Variants in ITPR1 observed in about 807,000 individuals in gnomAD.
ITPR1 encodes inositol 1,4,5-trisphosphate receptor type 1.
A neutral mutation model predicts 318.4 loss-of-function variants in ITPR1; 96 were observed. That is an observed-to-expected ratio of 0.30 (90% CI 0.26 to 0.36). ITPR1 has a LOEUF of 0.36. ITPR1 is among the 10% of genes least tolerant of loss of function. The pLI is 1.00. For synonymous variants in ITPR1, 1,312 were observed against 1,289.9 expected (o/e 1.02, Z -0.37); for missense variants, 2,440 against 3,460.2 (o/e 0.71, Z 7.40).
chr3:4,565,566 T>G (rs991813381), intron 4 of ITPR1, among the ~76,000 whole-genome samples: 4 of 152,174 alleles, frequency 2.6e-5, no homozygotes, highest in Admixed American at 2.6e-4. Context: ...AAATAAACAG[T>G]CTTTCTCCTT....
At chr3:4,838,478 T>G (rs1388101248) in intron 61 of ITPR1, among the ~76,000 whole-genome samples, 2 of 152,108 alleles carry the variant, frequency 1.3e-5, no homozygotes, top group Non-Finnish European at 2.9e-5. Context: ...TTTAGTTATC[T>G]TCTTCTCCCA....
At chr3:4,618,877 G>C (rs547527403) in intron 4 of ITPR1, among the ~76,000 whole-genome samples, 1 of 152,158 alleles carries the variant, frequency 6.6e-6, no homozygotes, top group Non-Finnish European at 1.5e-5. Context: ...AACAAGGGTT[G>C]GCATTTGAGC....
chr3:4,736,071 T>G (rs1272338682), intron 44 of ITPR1, among the ~76,000 whole-genome samples: 3 of 152,246 alleles, frequency 2.0e-5, no homozygotes, highest in Non-Finnish European at 4.4e-5. Context: ...ATAACTTTTA[T>G]ATATGATCCC....
At chr3:4,583,629 T>C (rs1466719799) in intron 4 of ITPR1, among the ~76,000 whole-genome samples, 1 of 152,234 alleles carries the variant, frequency 6.6e-6, no homozygotes, top group South Asian at 2.1e-4. Flanking sequence ...TGTTCCTCCT[T>C]GGCTTTTAGC....
At chr3:4,656,982 GGA>G (rs2093724943) in intron 12 of ITPR1, among the ~76,000 whole-genome samples, 1 of 152,200 alleles carries the variant, frequency 6.6e-6, no homozygotes. Flanking sequence ...GATGGGCTTT[GGA>G]GCCTAGAATA....
At chr3:4,522,197 T>G (rs976730180) in intron 4 of ITPR1, among the ~76,000 whole-genome samples, 1 of 152,146 alleles carries the variant, frequency 6.6e-6, no homozygotes, top group Admixed American at 6.6e-5. Context: ...ATTAAATTAT[T>G]TATCAATTAA....
At chr3:4,831,979 G>A (rs2050550059) in intron 60 of ITPR1, among the ~76,000 whole-genome samples, 1 of 152,232 alleles carries the variant, frequency 6.6e-6, no homozygotes. Flanking sequence ...CTACTGCACA[G>A]GATGCAAAGC....
At chr3:4,820,829 G>A (rs962030170) in intron 60 of ITPR1, among the ~76,000 whole-genome samples, 9 of 152,166 alleles carry the variant, frequency 5.9e-5, no homozygotes, top group African/African-American at 1.2e-4. Context: ...TCCCTGCTGC[G>A]GACTCCTAAG....
At chr3:4,789,659 G>A (rs1275388078) in intron 52 of ITPR1, among the ~76,000 whole-genome samples, 8 of 152,096 alleles carry the variant, frequency 5.3e-5, no homozygotes, top group East Asian at 1.9e-4. Flanking sequence ...TTGGTCTGTC[G>A]CCCAGGCTGG....
Position 4,806,379 on chromosome 3 carries a change from A to G in ITPR1, c.7272+112A>G. The G allele has an allele frequency of 1.9e-6, 2 of 1,063,834 alleles. 1 individual carries two copies. The highest frequency in any genetic ancestry group is 2.8e-6 in the Non-Finnish European group (2 of 712,074). The allele number at this position is 1,063,834 out of a possible 1,614,324, so 65.9% of individuals were successfully genotyped here. On this transcript the variant is annotated intron_variant, in intron 55 of 61. Transcript: ENST00000649015. ...TAATGGTGATTGGTGTGCCTGGTCC[A>G]CCAAGATTGAAGCTCCACAGTTGGC...
intron 4 of ITPR1, among the ~76,000 whole-genome samples, chr3:4,624,500 C>G (rs1480700792): frequency 6.6e-6 from 1 of 151,978 alleles, no homozygotes; most frequent in Non-Finnish European, 1.5e-5. Flanking sequence ...GAAACCCCAT[C>G]TCTACTAAAA....
At chr3:4,708,342 A>G (rs1182398201) in intron 37 of ITPR1, among the ~76,000 whole-genome samples, 1 of 152,218 alleles carries the variant, frequency 6.6e-6, no homozygotes, top group Non-Finnish European at 1.5e-5. Context: ...GTGCATCTTA[A>G]CTTGACCTAT....
At chr3:4,727,986 T>C (rs994057899) in intron 42 of ITPR1, among the ~76,000 whole-genome samples, 1 of 152,200 alleles carries the variant, frequency 6.6e-6, no homozygotes, top group Admixed American at 6.5e-5. Flanking sequence ...GGTATACAAC[T>C]TTTGTACCCT....
chr3:4,658,016 C>A (rs781186689), intron 12 of ITPR1, 108 bp from the exon 13 acceptor site: 2 of 1,089,730 alleles, frequency 1.8e-6, no homozygotes, highest in Non-Finnish European at 2.7e-6. Context: ...CTGCCAACTG[C>A]TGACATTCAC....
chr3:4,567,126 G>C (rs2087380769), intron 4 of ITPR1, among the ~76,000 whole-genome samples: 1 of 152,172 alleles, frequency 6.6e-6, no homozygotes, highest in African/African-American at 2.4e-5. Flanking sequence ...TAAACAAGTT[G>C]ATATGTGGAA....
chr3:4,704,961 C>T (rs1179256428), intron 36 of ITPR1, among the ~76,000 whole-genome samples: 1 of 152,064 alleles, frequency 6.6e-6, no homozygotes, highest in Non-Finnish European at 1.5e-5. Flanking sequence ...TTCCAAATTT[C>T]CCACTTTCTA....
chr3:4,756,806 T>A (rs2045030244), intron 44 of ITPR1, among the ~76,000 whole-genome samples: 1 of 152,248 alleles, frequency 6.6e-6, no homozygotes. Context: ...TGGATGCAAG[T>A]TGGACACTAG....
At chr3:4,747,140 A>G (rs2044167204) in intron 44 of ITPR1, among the ~76,000 whole-genome samples, 1 of 152,218 alleles carries the variant, frequency 6.6e-6, no homozygotes, top group Non-Finnish European at 1.5e-5. Context: ...TAGCCTTATG[A>G]TGGCAGCAGT....
intron 56 of ITPR1, among the ~76,000 whole-genome samples, chr3:4,811,714 T>C (rs1056207940): frequency 2.6e-4 from 39 of 152,222 alleles, no homozygotes; most frequent in African/African-American, 9.4e-4. Flanking sequence ...CTAGTGCAAC[T>C]TTTTTGTAAA....
Sources: gnomAD v4.1 joint callset for allele counts (sites outside exome capture counted in the v4.1 genomes callset) on GRCh38, gnomAD v4.1.1 for gene constraint, MANE v1.5 for transcripts, NCBI Gene and HGNC (gene_info 2026-07-23, HGNC 2026-07-21) for gene names.